SIPA1L2: variants seen among roughly 807,000 people sequenced by gnomAD.
SIPA1L2 encodes signal induced proliferation associated 1 like 2, also known as signal-induced proliferation-associated 1-like protein 2.
A neutral mutation model predicts 163.9 loss-of-function variants in SIPA1L2; 56 were observed. The observed-to-expected ratio is 0.34, with a 90% CI of 0.28 to 0.43. SIPA1L2 has a LOEUF of 0.43. SIPA1L2 is among the 20% of genes least tolerant of loss of function. SIPA1L2 has a pLI of 1.00. For synonymous variants in SIPA1L2, 877 were observed against 865.7 expected (o/e 1.01, Z -0.23); for missense variants, 1,974 against 2,193.5 (o/e 0.90, Z 2.00).
chr1:232,440,561 CAT>C (rs1452211052), intron 14 of SIPA1L2, among the ~76,000 whole-genome samples: 3 of 152,208 alleles, frequency 2.0e-5, no homozygotes, highest in Non-Finnish European at 4.4e-5. Context: ...AGAAATGTCA[CAT>C]GTGTTTGCTA....
intron 10 of SIPA1L2, among the ~76,000 whole-genome samples, chr1:232,446,837 C>T (rs1271830827): frequency 6.6e-6 from 1 of 152,260 alleles, no homozygotes; most frequent in African/African-American, 2.4e-5. Flanking sequence ...GCCCACAGAG[C>T]AGACGCCAGA....
rs77509151 is a variant in SIPA1L2 at position 232,613,474 on chromosome 1, A to T, written c.-319+16395T>A. Reference sequence around the variant, plus strand: ...ACCACCCACTTTTATTATGGAGTCAAGGGAACCTTCTCCAGGTGTTAACAG... The same window carrying T: ...ACCACCCACTTTTATTATGGAGTCATGGGAACCTTCTCCAGGTGTTAACAG... On this transcript the variant is annotated intron_variant, in intron 1 of 22. Transcript: ENST00000674635. 6.5e-3 allele frequency among the ~76,000 whole-genome samples: 985 copies of T among 152,328 alleles called. 10 individuals carry two copies. The highest frequency in any genetic ancestry group is 0.022 in the African/African-American group (916 of 41,568).
intron 1 of SIPA1L2, among the ~76,000 whole-genome samples, chr1:232,593,285 A>G (rs769759944): frequency 5.3e-5 from 8 of 152,196 alleles, no homozygotes; most frequent in East Asian, 1.9e-4. Context: ...TTTAACAAGC[A>G]TAAGTAATAA....
At chr1:232,522,760 T>C (rs61124193) in intron 2 of SIPA1L2, among the ~76,000 whole-genome samples, 2,592 of 152,328 alleles carry the variant, frequency 0.017, 80 homozygotes, top group African/African-American at 0.06. Context: ...CAATGGGATC[T>C]AAAGCCGTGA....
chr1:232,630,397 G>A (rs1663329916), upstream of SIPA1L2, among the ~76,000 whole-genome samples: 1 of 152,114 alleles, frequency 6.6e-6, no homozygotes, highest in Admixed American at 6.5e-5. Context: ...ATCATGAGCG[G>A]CGCTGGGCGA....
chr1:232,574,371 C>A (rs769366276), intron 1 of SIPA1L2, among the ~76,000 whole-genome samples, 149 bp from the exon 2 acceptor site: 4 of 152,180 alleles, frequency 2.6e-5, no homozygotes, highest in Non-Finnish European at 5.9e-5. Context: ...TTCTACTCTT[C>A]TTCTCTCCCC....
At chr1:232,494,881 C>G (rs1267600042) in intron 3 of SIPA1L2, among the ~76,000 whole-genome samples, 1 of 152,192 alleles carries the variant, frequency 6.6e-6, no homozygotes, top group Non-Finnish European at 1.5e-5. Flanking sequence ...CAGGTCCATT[C>G]TCCCAGGTGT....
At chr1:232,424,054 C>T (rs533336458) in intron 18 of SIPA1L2, among the ~76,000 whole-genome samples, 10 of 152,106 alleles carry the variant, frequency 6.6e-5, no homozygotes, top group Admixed American at 2.0e-4. Flanking sequence ...ACTGTAATGG[C>T]GGATACATGT....
intron 3 of SIPA1L2, among the ~76,000 whole-genome samples, chr1:232,497,189 G>T (rs1469598123): frequency 6.6e-6 from 1 of 152,218 alleles, no homozygotes; most frequent in Admixed American, 6.5e-5. Flanking sequence ...AACTACAGAG[G>T]AGGCATGGGA....
At chr1:232,591,999 C>A (rs182226510) in intron 1 of SIPA1L2, among the ~76,000 whole-genome samples, 15 of 152,286 alleles carry the variant, frequency 9.8e-5, no homozygotes, top group Admixed American at 8.5e-4. Flanking sequence ...TCTAGTGGGA[C>A]TGAGCCCTTA....
At chr1:232,550,674 TCTTCTTAATGCAGACAACAG>T (rs1658324866) in intron 2 of SIPA1L2, among the ~76,000 whole-genome samples, 1 of 152,234 alleles carries the variant, frequency 6.6e-6, no homozygotes. Context: ...AACACTACTG[TCTTCTTAATGCAGACAACAG>T]AACCAAGGCT....
chr1:232,573,144 A>C (rs1196375600), intron 2 of SIPA1L2, among the ~76,000 whole-genome samples: 1 of 152,118 alleles, frequency 6.6e-6, no homozygotes, highest in Non-Finnish European at 1.5e-5. Flanking sequence ...AACACGCATA[A>C]AAGACAAAGG....
intron 3 of SIPA1L2, among the ~76,000 whole-genome samples, chr1:232,505,147 G>C (rs1421320141): frequency 6.6e-6 from 1 of 152,188 alleles, no homozygotes; most frequent in African/African-American, 2.4e-5. Flanking sequence ...TGTATGGTTA[G>C]TATTTGCTCA....
At chr1:232,446,956 T>C (rs1296187229) in intron 10 of SIPA1L2, among the ~76,000 whole-genome samples, 1 of 152,242 alleles carries the variant, frequency 6.6e-6, no homozygotes, top group Admixed American at 6.5e-5. Flanking sequence ...ACTGATACTC[T>C]GATTCATTTT....
chr1:232,480,017 C>T (rs1426153814), intron 6 of SIPA1L2, among the ~76,000 whole-genome samples: 2 of 151,984 alleles, frequency 1.3e-5, no homozygotes, highest in Non-Finnish European at 2.9e-5. Flanking sequence ...TTAGGTGATC[C>T]ACTGAAAGCG....
intron 1 of SIPA1L2, among the ~76,000 whole-genome samples, chr1:232,601,830 T>C (rs1210203073): frequency 1.3e-5 from 2 of 152,220 alleles, no homozygotes; most frequent in Non-Finnish European, 2.9e-5. Flanking sequence ...GTAAAAGGTA[T>C]ATCAAACTAA....
rs1667357570 is a variant in SIPA1L2, at chr1:232,519,375, TGTAGGTGGCATGCA to T, written c.-269-3781_-269-3768del. Among the ~76,000 whole-genome samples the T allele has an allele frequency of 3.3e-5, 5 of 152,346 alleles. No homozygotes were observed. The South Asian group carries it at 1.0e-3, about 32-fold the overall frequency. ...CGGCTGTGTGCAGAGCTCCATTTTCTGTAGGTGGCATGCAGCCAGCTTCCTGGGGCTCTGGATGC... is the reference window on the plus strand; with the variant it reads ...CGGCTGTGTGCAGAGCTCCATTTTCTGCCAGCTTCCTGGGGCTCTGGATGC... On this transcript the variant is annotated intron_variant, in intron 2 of 22. Coordinates refer to ENST00000674635, the MANE Select transcript of SIPA1L2 (RefSeq NM_020808.5).
At chr1:232,449,158 A>C (rs1663396324) in intron 10 of SIPA1L2, among the ~76,000 whole-genome samples, 1 of 152,154 alleles carries the variant, frequency 6.6e-6, no homozygotes, top group South Asian at 2.1e-4. Flanking sequence ...AAAATTAAAC[A>C]CTAAAAAATC....
intron 19 of SIPA1L2, among the ~76,000 whole-genome samples, chr1:232,409,952 A>C (rs1443047302): frequency 6.6e-6 from 1 of 151,330 alleles, no homozygotes; most frequent in Non-Finnish European, 1.5e-5. Context: ...ATATATTTCA[A>C]AATATCTAAT....
Sources: allele counts gnomAD v4.1 joint callset (sites outside exome capture counted in the v4.1 genomes callset), GRCh38; gene constraint gnomAD v4.1.1; transcripts MANE v1.5; gene names NCBI Gene and HGNC (gene_info 2026-07-23, HGNC 2026-07-21).